Variants in CIP2A observed in about 807,000 individuals in gnomAD.
The protein encoded by CIP2A is cellular inhibitor of PP2A.
CIP2A carries 103 observed loss-of-function variants against 110.9 expected under a neutral mutation model. That is an observed-to-expected ratio of 0.93 (90% CI 0.79 to 1.09). The LOEUF is 1.09. Ranked by LOEUF, CIP2A falls within the 50% of genes least tolerant of loss-of-function variation. The pLI is 0.00. For missense variants in CIP2A, 1,088 were observed against 1,038.4 expected, an observed-to-expected ratio of 1.05 and a Z score of -0.66; for synonymous variants, 381 against 361.6, an observed-to-expected ratio of 1.05 and a Z score of -0.61.
Position 108,557,328 on chromosome 3 carries a change from T to C in CIP2A, c.2100A>G (p.Ser700=). ...SVLLKAQQVE[S]ERAQSDIEHL... ...GCTCAATATCACTCTGCGCTCTTTC[T>C]GATTCAACTTGCTGCGCCTTCAGCA... Residue 700 remains serine (S), a synonymous_variant, in exon 17 of 21, where the codon TCA becomes TCG. Coordinates refer to ENST00000295746, the MANE Select transcript of CIP2A (RefSeq NM_020890.3). The C allele has an allele frequency of 6.2e-7, 1 of 1,612,934 alleles. No individual in the cohort carries two copies. Among genetic ancestry groups the C allele is most frequent in the Non-Finnish European group, 8.5e-7 (1 of 1,179,242 alleles).
intron 11 of CIP2A, 97 bp downstream of exon 11, chr3:108,566,400 T>G: frequency 2.2e-6 from 2 of 912,680 alleles, no homozygotes; most frequent in East Asian, 5.3e-5. Flanking sequence ...ATATCTTAAG[T>G]TATAACCAAA....
chr3:108,551,438 C>T (rs2083897633), intron 20 of CIP2A, 119 bp from the exon 21 acceptor site: 2 of 628,626 alleles, frequency 3.2e-6, no homozygotes, highest in Non-Finnish European at 5.0e-6. Flanking sequence ...CATTTCAAGA[C>T]ATACTATAAA....
chr3:108,577,771 T>C (rs1938712337), intron 7 of CIP2A, among the ~76,000 whole-genome samples: 1 of 152,072 alleles, frequency 6.6e-6, no homozygotes, highest in Non-Finnish European at 1.5e-5. Context: ...TGGTGACGTG[T>C]GCCTGTAATC....
intron 8 of CIP2A, among the ~76,000 whole-genome samples, chr3:108,575,388 GTA>G (rs1370602097): frequency 2.7e-5 from 4 of 148,706 alleles, no homozygotes; most frequent in South Asian, 2.1e-4. Flanking sequence ...ATGTATGCGT[GTA>G]TATATGTTCA....
chr3:108,576,439 G>C (rs1217022374), intron 7 of CIP2A, 93 bp from the exon 8 acceptor site: 12 of 655,488 alleles, frequency 1.8e-5, no homozygotes, highest in Non-Finnish European at 3.0e-5. Context: ...AAATTTATGT[G>C]TATTTTCTTT....
At position 108,575,515 on chromosome 3, in the gene CIP2A, C is replaced by CATGTGTATAT. The variant is rs1559699045; in HGVS notation, c.894+755_894+756insATATACACAT. The stretch of plus-strand genomic sequence containing the variant: ...ACATATGTATATATGTATATATACA[C>CATGTGTATAT]ATACATATATACACGTATATATACT... On this transcript the variant is annotated intron_variant, in intron 8 of 20. Coordinates refer to ENST00000295746, the MANE Select transcript of CIP2A (RefSeq NM_020890.3). Among the ~76,000 whole-genome samples the CATGTGTATAT allele has an allele frequency of 9.4e-4, 74 of 78,730 alleles. 6 individuals carry two copies. The highest frequency in any genetic ancestry group is 2.7e-3 in the African/African-American group (72 of 26,604). 51.6% of individuals were successfully genotyped at this position (78,730 alleles called of 152,430 possible). A position where few individuals can be genotyped will look rare whatever the true frequency, so the allele number is the denominator to read the frequency against.
At chr3:108,588,702 T>C (rs533228930) in intron 1 of CIP2A, among the ~76,000 whole-genome samples, 3 of 152,090 alleles carry the variant, frequency 2.0e-5, no homozygotes, top group Middle Eastern at 6.8e-3. Context: ...ATCACTAGAA[T>C]AGAAAAAAAG....
chr3:108,557,167 G>A, intron 17 of CIP2A, 51 bp downstream of exon 17: 1 of 1,168,078 alleles, frequency 8.6e-7, no homozygotes, highest in Non-Finnish European at 1.2e-6. Flanking sequence ...AAGAAATGCT[G>A]CATGTTCATT....
intron 13 of CIP2A, among the ~76,000 whole-genome samples, chr3:108,562,271 G>A (rs1023183745): frequency 5.9e-5 from 9 of 152,016 alleles, no homozygotes; most frequent in African/African-American, 2.2e-4. Flanking sequence ...TTAGACTCAA[G>A]GACCTATCTG....
chr3:108,557,369 C>A lies in CIP2A; in HGVS notation c.2059G>T (p.Glu687Ter), dbSNP rs749070368. The change falls in exon 17 of 21, where the codon GAA becomes TAA. Residue 687 changes from glutamate to a stop codon, truncating the protein, a stop_gained. Coordinates refer to ENST00000295746, the MANE Select transcript of CIP2A (RefSeq NM_020890.3). LOFTEE classifies it high-confidence loss of function. ...GCCTTCAGCAACACACTAAGCTCTT[C>A]ATTTTTTCTCTCAACTTCTCTCAAC... Reference protein sequence around the residue: ...SMLREVERKNEELSVLLKAQQ... With the variant: ...SMLREVERKN 6.2e-7 allele frequency: 1 copy of A among 1,608,534 alleles called. No individual in the cohort carries two copies. The highest frequency in any genetic ancestry group is 1.1e-5 in the South Asian group (1 of 90,348).
chr3:108,572,050 G>A (rs374362590), intron 8 of CIP2A, among the ~76,000 whole-genome samples: 1 of 151,612 alleles, frequency 6.6e-6, no homozygotes, highest in African/African-American at 2.4e-5. Context: ...GTGTTTTTTC[G>A]GATATATACA....
chr3:108,559,895 A>AT (rs1362305615), intron 15 of CIP2A, 28 bp from the exon 16 acceptor site: 5 of 1,586,534 alleles, frequency 3.2e-6, no homozygotes, highest in Admixed American at 1.7e-5. Flanking sequence ...ATTAATTTTC[A>AT]TTTTAGGAAT....
At chr3:108,562,491 T>C (rs1424605967) in intron 13 of CIP2A, among the ~76,000 whole-genome samples, 1 of 152,174 alleles carries the variant, frequency 6.6e-6, no homozygotes, top group Non-Finnish European at 1.5e-5. Context: ...TACAAATTCA[T>C]ACATATAAAT....
intron 8 of CIP2A, among the ~76,000 whole-genome samples, chr3:108,575,465 T>A (rs1386785223): frequency 6.7e-6 from 1 of 150,188 alleles, no homozygotes; most frequent in Non-Finnish European, 1.5e-5. Flanking sequence ...TGTATACATG[T>A]GAGTATATAT....
At chr3:108,584,197 C>G (rs1938971851) in intron 2 of CIP2A, among the ~76,000 whole-genome samples, 2 of 152,110 alleles carry the variant, frequency 1.3e-5, no homozygotes, top group Non-Finnish European at 2.9e-5. Context: ...TGACTGTCCA[C>G]TATTAGGGGA....
At chr3:108,575,915 T>C (rs2969899) in intron 8 of CIP2A, among the ~76,000 whole-genome samples, 1,496 of 72,920 alleles carry the variant, frequency 0.021, 243 homozygotes, top group South Asian at 0.041. Flanking sequence ...TATATACATA[T>C]ACGTATATAT....
At chr3:108,573,006 T>C (rs1938450764) in intron 8 of CIP2A, among the ~76,000 whole-genome samples, 1 of 152,110 alleles carries the variant, frequency 6.6e-6, no homozygotes. Context: ...AATCTTTATC[T>C]TGAATAGGTA....
Position 108,559,756 on chromosome 3 carries a change from C to A in CIP2A, c.2013+1G>T, listed in dbSNP as rs769952489. 2.6e-6 allele frequency: 4 copies of A among 1,555,112 alleles called. No homozygotes were observed. Among genetic ancestry groups the A allele is most frequent in the Non-Finnish European group, 2.6e-6 (3 of 1,136,680 alleles). On this transcript the variant is annotated splice_donor_variant, in intron 16 of 20. Coordinates refer to ENST00000295746, the MANE Select transcript of CIP2A (RefSeq NM_020890.3). LOFTEE classifies it high-confidence loss of function. ...CAGATGTGTCTTTATATTCTACACA[C>A]CTCTGTTTCAGCTTGAGTTCTTTGA...
In CIP2A at chr3:108,589,296, G is replaced by C. The variant is rs1284391692; in HGVS notation, c.80C>G (p.Thr27Ser). ...CACCTCCAAGTGCCGCAAAAGCTGA[G>C]TGGCGTTCGCCTCTGACTTCACGGC... ...YKAVKSEANA[T>S]QLLRHLEVIS... is the part of the protein sequence containing the mutation. The change falls in exon 1 of 21, where the codon ACT (threonine) becomes AGT (serine). Residue 27 changes from threonine to serine, a missense_variant. Thr to Ser is a moderately conservative substitution (Grantham distance 58). Coordinates refer to ENST00000295746, the MANE Select transcript of CIP2A (RefSeq NM_020890.3). 3 of 1,613,952 alleles carry C rather than the reference G, an allele frequency of 1.9e-6. No homozygotes were observed. Among genetic ancestry groups the C allele is most frequent in the Non-Finnish European group, 2.5e-6 (3 of 1,179,930 alleles).
Sources: allele counts gnomAD v4.1 joint callset (sites outside exome capture counted in the v4.1 genomes callset), GRCh38; gene constraint gnomAD v4.1.1; transcripts MANE v1.5; gene names NCBI Gene and HGNC (gene_info 2026-07-23, HGNC 2026-07-21).